The following N4BP2 variants were observed in gnomAD, a reference collection of about 807,000 sequenced individuals.
The protein encoded by N4BP2 is NEDD4 binding protein 2, also known as NEDD4-binding protein 2.
A neutral mutation model predicts 152.8 loss-of-function variants in N4BP2; 91 were observed. The ratio of observed to expected loss-of-function variants is 0.60; its 90% CI spans 0.50 to 0.71. The LOEUF is 0.71. Ranked by LOEUF, N4BP2 falls within the 30% of genes least tolerant of loss-of-function variation. The probability of loss-of-function intolerance (pLI) is 0.00; values close to 1 mark genes in which losing one functional copy is unlikely to be tolerated. For synonymous variants in N4BP2, 646 were observed against 705.3 expected (o/e 0.92, Z 1.33); for missense variants, 1,923 against 2,059.1 (o/e 0.93, Z 1.28).
In N4BP2 at chr4:40,102,868, G is replaced by A. The variant is rs1715829792; in HGVS notation, c.1023G>A (p.Val341=). 1 of 1,614,170 alleles carries A rather than the reference G, an allele frequency of 6.2e-7. No homozygotes were observed. The highest frequency in any genetic ancestry group is 8.5e-7 in the Non-Finnish European group (1 of 1,180,040). Residue 341 remains valine, a synonymous_variant, in exon 4 of 18, where the codon GTG becomes GTA. Transcript: ENST00000261435. ...HPELPTKGKD[V]SYCPVLAPLP... is the part of the protein sequence containing the mutation. Reference sequence around the variant, plus strand: ...AACTGCCAACTAAGGGGAAGGATGTGAGTTACTGCCCGGTACTTGCTCCTC... The same window carrying A: ...AACTGCCAACTAAGGGGAAGGATGTAAGTTACTGCCCGGTACTTGCTCCTC...
chr4:40,154,192 G>T lies in N4BP2; in HGVS notation c.5268G>T (p.Arg1756Ser). Residue 1756 changes from arginine (R) to serine (S), a missense_variant and splice_region_variant, in exon 18 of 18, where the codon AGG becomes AGT. Physicochemically the swap from Arg to Ser is moderately radical, Grantham distance 110 (BLOSUM62 -1). Transcript: ENST00000261435. ...VIKYLISHSF[R>S]FSEIKPGCLK... is the part of the protein sequence containing the mutation. ...AATAACTCTTTTCTCATTTCTGCAG[G>T]TTCTCTGAAATTAAACCAGGGTGCT... 2 of 1,598,836 alleles carry T rather than the reference G, an allele frequency of 1.3e-6. No individual in the cohort carries two copies. The highest frequency in any genetic ancestry group is 1.1e-5 in the South Asian group (1 of 89,122).
intron 1 of N4BP2, among the ~76,000 whole-genome samples, chr4:40,067,823 C>T (rs769099514): frequency 1.3e-5 from 2 of 152,076 alleles, no homozygotes; most frequent in Admixed American, 6.6e-5. Context: ...CTCAGCCTCC[C>T]GAGTAGCTGA....
chr4:40,141,302 C>T (rs1019329397), intron 14 of N4BP2, among the ~76,000 whole-genome samples: 7 of 151,880 alleles, frequency 4.6e-5, no homozygotes, highest in South Asian at 2.1e-4. Flanking sequence ...GGGTGGCTGC[C>T]GGGCGGTGAC....
chr4:40,118,043 T>C lies in N4BP2; in HGVS notation c.1820+19T>C. Reference sequence around the variant, plus strand: ...GCACTAGGTAGGTTAAAATGCCTTATGTACAAAATTCAATTTGAAATATAA... The same window carrying C: ...GCACTAGGTAGGTTAAAATGCCTTACGTACAAAATTCAATTTGAAATATAA... On this transcript the variant is annotated intron_variant, in intron 8 of 17. Transcript: ENST00000261435. The C allele has an allele frequency of 6.7e-7, 1 of 1,501,520 alleles. No homozygotes were observed. Among genetic ancestry groups the C allele is most frequent in the South Asian group, 1.3e-5 (1 of 75,952 alleles). 93.0% of individuals were successfully genotyped at this position (1,501,520 alleles called of 1,614,324 possible). A position where few individuals can be genotyped will look rare whatever the true frequency, so the allele number is the denominator to read the frequency against.
chr4:40,100,422 G>A (rs59835141), intron 3 of N4BP2, among the ~76,000 whole-genome samples: 3,092 of 151,436 alleles, frequency 0.02, 113 homozygotes, highest in African/African-American at 0.07. Flanking sequence ...AGTCGCCCAG[G>A]CTGGAGCGCA....
rs1316391209 is a variant in N4BP2 at position 40,097,544 on chromosome 4, G to A, written c.204G>A (p.Leu68=). The part of the protein sequence containing the change: ...FSDLDPDVVY[L]MLSECDFKVE... ...ATCTGGATCCTGATGTAGTGTATTT[G>A]ATGCTTTCTGAATGTGATTTCAAAG... The change falls in exon 3 of 18, where the codon TTG becomes TTA. Residue 68 remains leucine, a synonymous_variant. Coordinates refer to ENST00000261435, the MANE Select transcript of N4BP2 (RefSeq NM_018177.6). 12 of 1,612,362 alleles carry A rather than the reference G, an allele frequency of 7.4e-6. No homozygotes were observed. The highest frequency in any genetic ancestry group is 9.3e-6 in the Non-Finnish European group (11 of 1,178,528).
chr4:40,065,450 T>A (rs1733970342), intron 1 of N4BP2, among the ~76,000 whole-genome samples: 2 of 151,902 alleles, frequency 1.3e-5, no homozygotes, highest in South Asian at 2.1e-4. Flanking sequence ...AACAAAAGAT[T>A]AGGAACAGAA....
the N4BP2 span, among the ~76,000 whole-genome samples, chr4:40,183,909 A>G: frequency 1.3e-5 from 2 of 152,208 alleles, no homozygotes; most frequent in South Asian, 4.1e-4. Flanking sequence ...CACCCAAAGC[A>G]TGTAAGGAAG....
In N4BP2 at chr4:40,122,221, T is replaced by C. The variant is rs1393400580; in HGVS notation, c.4110T>C (p.Ser1370=). Residue 1370 remains serine, a synonymous_variant, in exon 9 of 18, where the codon TCT becomes TCC. Transcript: ENST00000261435. ...ATCCCACTCCAGCGATGGCCAAATCTCTGACCATAGACTGTCTGGAATTGG... is the reference window on the plus strand; with the variant it reads ...ATCCCACTCCAGCGATGGCCAAATCCCTGACCATAGACTGTCTGGAATTGG... ...ILNPTPAMAK[S]LTIDCLELAL... The C allele has an allele frequency of 6.2e-7, 1 of 1,613,712 alleles. No individual in the cohort carries two copies. The highest frequency in any genetic ancestry group is 8.5e-7 in the Non-Finnish European group (1 of 1,179,814).
intron 8 of N4BP2, among the ~76,000 whole-genome samples, chr4:40,118,941 G>A (rs1362448240): frequency 1.3e-5 from 2 of 152,170 alleles, no homozygotes; most frequent in Non-Finnish European, 2.9e-5. Context: ...TGATGGTAAG[G>A]GATAGAGAGC....
rs1721159772 is a variant in N4BP2, at chr4:40,151,613, AGT to A, written c.5144-1165_5144-1164del. Among the ~76,000 whole-genome samples, 3 of 152,336 alleles carry A rather than the reference AGT, an allele frequency of 2.0e-5. No homozygotes were observed. In the East Asian group the frequency reaches 5.8e-4, roughly 29 times the overall value. On this transcript the variant is annotated intron_variant, in intron 16 of 17. Transcript: ENST00000261435. Reference sequence around the variant, plus strand: ...GCGTAATATAACATATGTAAAGAACAGTGCCCAAAATTATAGGTATATAGTGC... The same window carrying A: ...GCGTAATATAACATATGTAAAGAACAGCCCAAAATTATAGGTATATAGTGC...
chr4:40,113,338 ATCT>A (rs1238293545), intron 6 of N4BP2, 91 bp from the exon 7 acceptor site: 4 of 922,368 alleles, frequency 4.3e-6, no homozygotes, highest in Non-Finnish European at 6.8e-6. Context: ...AGATTAGATA[ATCT>A]TTACGTTTTA....
At chr4:40,170,968 A>G in the N4BP2 span, among the ~76,000 whole-genome samples, 4 of 152,276 alleles carry the variant, frequency 2.6e-5, no homozygotes, top group South Asian at 8.3e-4. Flanking sequence ...CATGTTTATG[A>G]TTGAGAGATT....
chr4:40,069,797 T>C (rs1711962859), intron 1 of N4BP2, among the ~76,000 whole-genome samples: 1 of 152,074 alleles, frequency 6.6e-6, no homozygotes, highest in African/African-American at 2.4e-5. Context: ...GAATGGTGCA[T>C]GCATGTGGTC....
intron 11 of N4BP2, among the ~76,000 whole-genome samples, chr4:40,125,660 C>A (rs901213955): frequency 2.0e-5 from 3 of 152,038 alleles, no homozygotes; most frequent in African/African-American, 7.2e-5. Context: ...CCAAGGCGGG[C>A]GGATCACCTG....
Position 40,126,159 on chromosome 4 carries a change from G to A in N4BP2, c.4356G>A (p.Gly1452=). The stretch of plus-strand genomic sequence containing the variant: ...ATCCTTCCTTGGTTGGACATACTGG[G>A]CTTGATAATCCTGAACAAAAATCAT... ...MQDPSLVGHT[G]LDNPEQKSSQ... Residue 1452 remains glycine, a synonymous_variant, in exon 12 of 18, where the codon GGG becomes GGA. Transcript: ENST00000261435. 3 of 1,598,638 alleles carry A rather than the reference G, an allele frequency of 1.9e-6. No individual in the cohort carries two copies. Among genetic ancestry groups the A allele is most frequent in the Non-Finnish European group, 2.6e-6 (3 of 1,174,820 alleles).
chr4:40,188,744 CAAAAAA>C, the N4BP2 span, among the ~76,000 whole-genome samples: 27 of 91,022 alleles, frequency 3.0e-4, no homozygotes, highest in Non-Finnish European at 4.6e-4. Flanking sequence ...GACTCCATCT[CAAAAAA>C]AAAAAAAAAA....
chr4:40,059,155 A>G (rs940184378), intron 1 of N4BP2, among the ~76,000 whole-genome samples: 7 of 151,974 alleles, frequency 4.6e-5, no homozygotes, highest in African/African-American at 1.4e-4. Context: ...TCCTTTTAAA[A>G]TCTCCCTTTT....
chr4:40,188,547 C>T, the N4BP2 span, among the ~76,000 whole-genome samples: 2 of 151,936 alleles, frequency 1.3e-5, no homozygotes, highest in African/African-American at 2.4e-5. Flanking sequence ...GATTTTCCGA[C>T]CAGCCTGGGC....
Sources: allele counts gnomAD v4.1 joint callset (sites outside exome capture counted in the v4.1 genomes callset), GRCh38; gene constraint gnomAD v4.1.1; transcripts MANE v1.5; gene names NCBI Gene and HGNC (gene_info 2026-07-23, HGNC 2026-07-21).